Variants in DIAPH2 observed in about 807,000 individuals in gnomAD.
DIAPH2 encodes protein diaphanous homolog 2.
A neutral mutation model predicts 92.7 loss-of-function variants in DIAPH2; 35 were observed. That is an observed-to-expected ratio of 0.38 (90% CI 0.29 to 0.50). The LOEUF is 0.50. Ranked by LOEUF, DIAPH2 falls within the 20% of genes least tolerant of loss-of-function variation. The pLI is 0.94. For synonymous variants in DIAPH2, 301 were observed against 280.4 expected (o/e 1.07, Z -0.73); for missense variants, 701 against 819.5 (o/e 0.86, Z 1.77).
chrX:97,493,330 C>T lies in DIAPH2; in HGVS notation c.3241+63585C>T, dbSNP rs777484368. ...AGGCTGGAGTGCAATGGCACAATCT[C>T]GGCTCACTGCAACCTCTGCCTCCCG... is the stretch of plus-strand genomic sequence containing the variant. On this transcript the variant is annotated intron_variant, in intron 26 of 26. Transcript: ENST00000324765. 2.6e-3 allele frequency among the ~76,000 whole-genome samples: 284 copies of T among 111,113 alleles called. 1 individual carries two copies. The highest frequency in any genetic ancestry group is 8.6e-3 in the African/African-American group (265 of 30,669).
At chrX:97,009,949 C>T (rs1244978370) in intron 17 of DIAPH2, among the ~76,000 whole-genome samples, 1 of 111,747 alleles carries the variant, frequency 8.9e-6, no homozygotes, top group Non-Finnish European at 1.9e-5. Context: ...AATGGTATCT[C>T]ACTAAGTTAT....
chrX:96,927,586 T>C (rs1188337427), intron 9 of DIAPH2, among the ~76,000 whole-genome samples: 1 of 111,507 alleles, frequency 9.0e-6, no homozygotes, highest in African/African-American at 3.3e-5. Context: ...ACTGGAACAA[T>C]GGCTAGTGAA....
intron 5 of DIAPH2, among the ~76,000 whole-genome samples, chrX:96,890,453 A>G (rs1569421617): frequency 9.0e-6 from 1 of 111,443 alleles, no homozygotes; most frequent in Non-Finnish European, 1.9e-5. Context: ...CCAGACAGAT[A>G]TTTATAATTT....
At chrX:97,503,799 A>T (rs1474298950) in intron 26 of DIAPH2, among the ~76,000 whole-genome samples, 1 of 112,180 alleles carries the variant, frequency 8.9e-6, no homozygotes, top group Non-Finnish European at 1.9e-5. Context: ...CAGTGGCAAA[A>T]ATAAGAGAAT....
chrX:97,451,163 G>C (rs1054635837), intron 26 of DIAPH2, among the ~76,000 whole-genome samples: 4 of 111,767 alleles, frequency 3.6e-5, no homozygotes, highest in African/African-American at 6.5e-5. Context: ...CTTTTAAAGT[G>C]TATTTATTTA....
chrX:97,102,901 C>T (rs1400001853), intron 20 of DIAPH2, among the ~76,000 whole-genome samples: 2 of 111,424 alleles, frequency 1.8e-5, no homozygotes, highest in Non-Finnish European at 3.8e-5. Flanking sequence ...CATCAGGCCA[C>T]TGCACTCCAG....
At chrX:97,475,961 A>G (rs1312255961) in intron 26 of DIAPH2, among the ~76,000 whole-genome samples, 9 of 112,098 alleles carry the variant, frequency 8.0e-5, no homozygotes. Context: ...TCAGGAAAAC[A>G]TTAGAAATCT....
chrX:96,952,282 A>G (rs759074498), intron 15 of DIAPH2, among the ~76,000 whole-genome samples: 1 of 111,959 alleles, frequency 8.9e-6, no homozygotes, highest in South Asian at 3.7e-4. Flanking sequence ...ATGTATATAC[A>G]TACATTAACA....
intron 23 of DIAPH2, among the ~76,000 whole-genome samples, chrX:97,249,923 C>G (rs1220978199): frequency 1.8e-5 from 2 of 110,491 alleles, no homozygotes; most frequent in Non-Finnish European, 3.8e-5. Flanking sequence ...CATGGAGAAA[C>G]CCCGTCTCTA....
intron 20 of DIAPH2, among the ~76,000 whole-genome samples, chrX:97,101,870 G>A (rs1218719576): frequency 8.9e-6 from 1 of 112,097 alleles, no homozygotes; most frequent in Non-Finnish European, 1.9e-5. Flanking sequence ...ACTTCTGTGT[G>A]TATACATCCA....
At chrX:96,992,289 C>A (rs1451204977) in intron 17 of DIAPH2, among the ~76,000 whole-genome samples, 1 of 111,358 alleles carries the variant, frequency 9.0e-6, no homozygotes, top group African/African-American at 3.3e-5. Flanking sequence ...TGGCATTAAA[C>A]CTCAATAGAA....
At chrX:96,804,810 A>C (rs1308559861) in intron 4 of DIAPH2, among the ~76,000 whole-genome samples, 2 of 111,784 alleles carry the variant, frequency 1.8e-5, no homozygotes, top group East Asian at 5.6e-4. Flanking sequence ...CATCTTGAAA[A>C]AGTAATTGCT....
chrX:96,985,927 A>G (rs2066028580), intron 17 of DIAPH2, among the ~76,000 whole-genome samples: 1 of 111,232 alleles, frequency 9.0e-6, no homozygotes. Context: ...AGGGGCAGGC[A>G]TGACAGCATG....
intron 5 of DIAPH2, among the ~76,000 whole-genome samples, chrX:96,897,320 T>G (rs1041057130): frequency 1.1e-4 from 12 of 111,023 alleles, no homozygotes; most frequent in Admixed American, 9.7e-4. Flanking sequence ...CTTTTATCTC[T>G]CACCCACCTC....
intron 26 of DIAPH2, among the ~76,000 whole-genome samples, chrX:97,594,201 G>A (rs1016803795): frequency 2.3e-5 from 2 of 88,025 alleles, no homozygotes; most frequent in African/African-American, 3.9e-5. Context: ...ATATATATAC[G>A]TACACATACA....
chrX:97,254,492 C>CAAAAAAAA (rs1172020847), intron 23 of DIAPH2, among the ~76,000 whole-genome samples: 4 of 29,056 alleles, frequency 1.4e-4, no homozygotes, highest in African/African-American at 4.6e-4. Context: ...AACTCTGTCT[C>CAAAAAAAA]AAAAAAAAAA....
chrX:96,937,302 G>A lies in DIAPH2; in HGVS notation c.1159G>A (p.Asp387Asn). ...LKVFDENKEDDLTELSHRLND... is the reference protein window; with the variant it reads ...LKVFDENKEDNLTELSHRLND... Reference sequence around the variant, plus strand: ...AGTATTTGATGAAAACAAAGAAGATGACCTAACTGAATTATCACACCGTCT... The same window carrying A: ...AGTATTTGATGAAAACAAAGAAGATAACCTAACTGAATTATCACACCGTCT... Residue 387 changes from aspartate to asparagine, a missense_variant, in exon 11 of 27, where the codon GAC (aspartate) becomes AAC (asparagine). Around this residue, in one of 3 missense-constraint regions of DIAPH2, gnomAD observed 536 missense variants for 599.3 expected, o/e 0.89. Transcript: ENST00000324765. 1 of 1,163,890 alleles carries A rather than the reference G, an allele frequency of 8.6e-7. No homozygotes were observed.
intron 5 of DIAPH2, among the ~76,000 whole-genome samples, chrX:96,901,605 C>T (rs2065397051): frequency 2.2e-5 from 2 of 89,913 alleles, no homozygotes; most frequent in African/African-American, 8.5e-5. Flanking sequence ...AATCTCGGCT[C>T]AGTGCTGCAA....
chrX:97,439,082 GA>G (rs1295010354), intron 26 of DIAPH2, among the ~76,000 whole-genome samples: 1 of 111,454 alleles, frequency 9.0e-6, no homozygotes, highest in African/African-American at 3.3e-5. Context: ...GGGTAGAGGA[GA>G]GATATTCTTG....
Sources: allele counts gnomAD v4.1 joint callset (sites outside exome capture counted in the v4.1 genomes callset), GRCh38; gene constraint gnomAD v4.1.1; regional missense constraint gnomAD v4.1.1; transcripts MANE v1.5; gene names NCBI Gene and HGNC (gene_info 2026-07-23, HGNC 2026-07-21).